MCTP2: variants seen among roughly 807,000 people sequenced by gnomAD.
The protein encoded by MCTP2 is multiple C2 and transmembrane domain-containing protein 2.
A neutral mutation model predicts 111.6 loss-of-function variants in MCTP2; 132 were observed. The observed-to-expected ratio is 1.18, with a 90% CI of 1.03 to 1.37. MCTP2 has a LOEUF of 1.37. MCTP2 is among the 40% of genes most tolerant of loss of function. The probability of loss-of-function intolerance (pLI) is 0.00; values close to 1 mark genes in which losing one functional copy is unlikely to be tolerated. For synonymous variants in MCTP2, 395 were observed against 387.7 expected (o/e 1.02, Z -0.22); for missense variants, 1,183 against 1,067.9 (o/e 1.11, Z -1.50).
At chr15:94,348,895 G>C (rs2078145055) in intron 8 of MCTP2, among the ~76,000 whole-genome samples, 1 of 151,718 alleles carries the variant, frequency 6.6e-6, no homozygotes, top group Admixed American at 6.6e-5. Flanking sequence ...TTATTTTCTT[G>C]GTTAAACTCA....
chr15:94,323,327 TAAAAA>T (rs1463564384), intron 4 of MCTP2, among the ~76,000 whole-genome samples: 1 of 151,956 alleles, frequency 6.6e-6, no homozygotes, highest in Non-Finnish European at 1.5e-5. Context: ...TGTGCAGACT[TAAAAA>T]AACAAAAACC....
chr15:94,310,834 G>A (rs2076093458), intron 2 of MCTP2, among the ~76,000 whole-genome samples: 1 of 151,582 alleles, frequency 6.6e-6, no homozygotes, highest in Non-Finnish European at 1.5e-5. Context: ...CAGCTACTCA[G>A]GAGGCCGAGG....
chr15:94,231,462 C>G (rs532198080), upstream of MCTP2: 2 of 116,920 alleles, frequency 1.7e-5, no homozygotes, highest in South Asian at 6.1e-4. Context: ...AAAGGTGACG[C>G]GCGGCCGCCT....
At chr15:94,251,982 G>A (rs2072465062) in intron 1 of MCTP2, among the ~76,000 whole-genome samples, 1 of 152,106 alleles carries the variant, frequency 6.6e-6, no homozygotes, top group Non-Finnish European at 1.5e-5. Flanking sequence ...CTTCTTAAAG[G>A]CTGAATAATA....
intron 21 of MCTP2, among the ~76,000 whole-genome samples, chr15:94,472,190 C>T (rs1029291347): frequency 3.3e-5 from 5 of 152,184 alleles, no homozygotes; most frequent in Non-Finnish European, 5.9e-5. Flanking sequence ...CCAGCCTGGC[C>T]AATATGGTGA....
At chr15:94,399,868 T>G in intron 15 of MCTP2, 53 bp from the exon 16 acceptor site, 1 of 1,484,188 alleles carries the variant, frequency 6.7e-7, no homozygotes, top group Non-Finnish European at 9.4e-7. Flanking sequence ...GAAAACTAGG[T>G]GGATGAAGTC....
At chr15:94,451,657 T>C (rs1423928297) in intron 19 of MCTP2, among the ~76,000 whole-genome samples, 1 of 152,202 alleles carries the variant, frequency 6.6e-6, no homozygotes, top group Non-Finnish European at 1.5e-5. Flanking sequence ...GGCAGTTTGG[T>C]AGCAACAGCA....
chr15:94,276,139 T>C (rs144716825), intron 1 of MCTP2, among the ~76,000 whole-genome samples: 3,376 of 152,244 alleles, frequency 0.022, 91 homozygotes, highest in African/African-American at 0.063. Flanking sequence ...CCACCGTGCC[T>C]GGCCTTTATA....
chr15:94,300,721 C>T (rs1382624763), intron 2 of MCTP2, among the ~76,000 whole-genome samples: 1 of 151,992 alleles, frequency 6.6e-6, no homozygotes, highest in Non-Finnish European at 1.5e-5. Context: ...ATGTTTCAGC[C>T]TGGTCTCCTG....
intron 12 of MCTP2, among the ~76,000 whole-genome samples, chr15:94,373,677 T>G (rs990041462): frequency 1.3e-5 from 2 of 152,216 alleles, no homozygotes; most frequent in Non-Finnish European, 2.9e-5. Flanking sequence ...TTGGAGCCTG[T>G]CTCTCTAAAA....
At chr15:94,447,921 T>C (rs1163863863) in intron 19 of MCTP2, among the ~76,000 whole-genome samples, 1 of 152,248 alleles carries the variant, frequency 6.6e-6, no homozygotes, top group Non-Finnish European at 1.5e-5. Context: ...TTCAGGGGAA[T>C]AAAGTGCATG....
chr15:94,345,083 T>G (rs376931832), intron 7 of MCTP2, 46 bp from the exon 8 acceptor site: 37 of 1,603,492 alleles, frequency 2.3e-5, no homozygotes, highest in Non-Finnish European at 3.0e-5. Flanking sequence ...TATCTTCCTC[T>G]GTTTTATTTT....
intron 1 of MCTP2, among the ~76,000 whole-genome samples, chr15:94,279,997 G>A (rs11635832): frequency 0.22 from 33,971 of 152,058 alleles, 3,895 homozygotes; most frequent in Middle Eastern, 0.27. Context: ...GCTGGATTCA[G>A]TTTGCTTGTA....
chr15:94,443,284 G>A (rs1270888071), intron 19 of MCTP2, among the ~76,000 whole-genome samples: 2 of 152,158 alleles, frequency 1.3e-5, no homozygotes, highest in African/African-American at 4.8e-5. Flanking sequence ...AGTAAATCAA[G>A]TGAAATTGCT....
intron 21 of MCTP2, among the ~76,000 whole-genome samples, chr15:94,474,144 C>T (rs1281345961): frequency 1.3e-5 from 2 of 152,100 alleles, no homozygotes; most frequent in Non-Finnish European, 2.9e-5. Flanking sequence ...CAGATATACC[C>T]TCCCTCTGTA....
intron 12 of MCTP2, among the ~76,000 whole-genome samples, chr15:94,374,497 G>A (rs1322087075): frequency 1.3e-5 from 2 of 152,174 alleles, no homozygotes; most frequent in Non-Finnish European, 1.5e-5. Context: ...AACCATCATG[G>A]CCACCACTGG....
chr15:94,386,642 C>G (rs768422985), intron 14 of MCTP2, among the ~76,000 whole-genome samples: 2 of 151,408 alleles, frequency 1.3e-5, no homozygotes, highest in Non-Finnish European at 2.9e-5. Flanking sequence ...ATTTCCCCCC[C>G]TTTTTTTTTC....
At chr15:94,391,762 T>G (rs188844805) in intron 14 of MCTP2, among the ~76,000 whole-genome samples, 124 of 152,294 alleles carry the variant, frequency 8.1e-4, no homozygotes, top group South Asian at 3.3e-3. Context: ...GAACCCCATG[T>G]AGTAGACAGT....
At chr15:94,269,437 A>G (rs1022907733) in intron 1 of MCTP2, among the ~76,000 whole-genome samples, 1 of 152,228 alleles carries the variant, frequency 6.6e-6, no homozygotes, top group Non-Finnish European at 1.5e-5. Context: ...CAGATAATAG[A>G]GTAGATTTGT....
Sources: allele counts gnomAD v4.1 joint callset (sites outside exome capture counted in the v4.1 genomes callset), GRCh38; gene constraint gnomAD v4.1.1; transcripts MANE v1.5; gene names NCBI Gene and HGNC (gene_info 2026-07-23, HGNC 2026-07-21).